GALNT18: variants seen among roughly 807,000 people sequenced by gnomAD.
GALNT18 encodes the protein polypeptide N-acetylgalactosaminyltransferase 18.
In GALNT18, 44 loss-of-function variants were observed where a neutral mutation model predicts 69.5. The ratio of observed to expected loss-of-function variants is 0.63; its 90% CI spans 0.50 to 0.81. The LOEUF (loss-of-function observed/expected upper bound fraction) is 0.81. GALNT18 is among the 40% of genes least tolerant of loss of function. The probability of loss-of-function intolerance (pLI) is 0.00; values close to 1 mark genes in which losing one functional copy is unlikely to be tolerated. For synonymous variants in GALNT18, 364 were observed against 318.2 expected, an observed-to-expected ratio of 1.14 and a Z score of -1.53; for missense variants, 715 against 810.0, an observed-to-expected ratio of 0.88 and a Z score of 1.42.
intron 1 of GALNT18, among the ~76,000 whole-genome samples, chr11:11,575,498 C>T (rs1174921233): frequency 6.6e-6 from 1 of 152,216 alleles, no homozygotes; most frequent in Non-Finnish European, 1.5e-5. Context: ...TGGATGTGAG[C>T]CTGCAGGTTC....
chr11:11,574,141 C>A (rs1327560901), intron 1 of GALNT18, among the ~76,000 whole-genome samples: 1 of 152,100 alleles, frequency 6.6e-6, no homozygotes, highest in Non-Finnish European at 1.5e-5. Context: ...GTACATACTG[C>A]CTCATAAGAA....
rs1857038707 is a variant in GALNT18 at position 11,504,746 on chromosome 11, A to C, written c.236-55810T>G. Reference sequence around the variant, plus strand: ...GCACTTTGGCCTGGGTGACAGAGCAAGACCCCATCTCAAAATATATATATA... The same window carrying C: ...GCACTTTGGCCTGGGTGACAGAGCACGACCCCATCTCAAAATATATATATA... On this transcript the variant is annotated intron_variant, in intron 1 of 10. Coordinates refer to ENST00000227756, the MANE Select transcript of GALNT18 (RefSeq NM_198516.3). 2.2e-5 allele frequency among the ~76,000 whole-genome samples: 3 copies of C among 137,678 alleles called. No individual in the cohort carries two copies. The East Asian group carries it at 6.8e-4, about 31-fold the overall frequency. 90.3% of individuals were successfully genotyped at this position (137,678 alleles called of 152,430 possible). A position where few individuals can be genotyped will look rare whatever the true frequency, so the allele number is the denominator to read the frequency against.
intron 3 of GALNT18, among the ~76,000 whole-genome samples, chr11:11,386,695 C>A (rs925423769): frequency 6.6e-6 from 1 of 152,174 alleles, no homozygotes; most frequent in African/African-American, 2.4e-5. Flanking sequence ...ATCATTTCAA[C>A]AACCCTAAGA....
At chr11:11,492,368 C>G (rs140409847) in intron 1 of GALNT18, among the ~76,000 whole-genome samples, 107 of 152,254 alleles carry the variant, frequency 7.0e-4, no homozygotes, top group African/African-American at 2.5e-3. Context: ...AACAATAACA[C>G]TGCCATAGAA....
Position 11,583,052 on chromosome 11 carries a change from A to G in GALNT18, c.235+38307T>C, listed in dbSNP as rs1295742232. ...AAGTCCTGCCAACACTCAACTCAGGAAGGTCGTTCATGTGCTCTTCCATAA... is the reference window on the plus strand; with the variant it reads ...AAGTCCTGCCAACACTCAACTCAGGGAGGTCGTTCATGTGCTCTTCCATAA... On this transcript the variant is annotated intron_variant, in intron 1 of 10. Transcript: ENST00000227756. This position sits in a 1 kb window ranked among gnomAD's most constrained non-coding sequence, Gnocchi z 4.7. 1.3e-5 allele frequency among the ~76,000 whole-genome samples: 2 copies of G among 152,180 alleles called. No individual in the cohort carries two copies. The highest frequency in any genetic ancestry group is 4.8e-5 in the African/African-American group (2 of 41,428).
At chr11:11,381,403 T>C (rs1379819151) in intron 3 of GALNT18, among the ~76,000 whole-genome samples, 1 of 152,106 alleles carries the variant, frequency 6.6e-6, no homozygotes, top group African/African-American at 2.4e-5. Flanking sequence ...CCTGTCCCCT[T>C]CTCTCCCTCC....
chr11:11,546,813 T>C lies in GALNT18; in HGVS notation c.235+74546A>G, dbSNP rs998972686. Among the ~76,000 whole-genome samples, 20 of 152,154 alleles carry C rather than the reference T, an allele frequency of 1.3e-4. No individual in the cohort carries two copies. The highest frequency in any genetic ancestry group is 2.5e-4 in the Non-Finnish European group (17 of 68,036). ...GGCATAGAGCAGGCACTCAGATCAA[T>C]TTTCGGTCAGATGGATGGATGGGTG... On this transcript the variant is annotated intron_variant, in intron 1 of 10. Transcript: ENST00000227756. The surrounding 1 kb of genome is among the most constrained non-coding windows in gnomAD (Gnocchi z 5.8).
intron 6 of GALNT18, chr11:11,352,600 T>C: frequency 6.2e-7 from 1 of 1,614,188 alleles, no homozygotes; most frequent in South Asian, 1.1e-5. Flanking sequence ...CCCCAGTCTA[T>C]TAGTCGTAGC....
intron 6 of GALNT18, among the ~76,000 whole-genome samples, chr11:11,367,009 T>C (rs987857497): frequency 2.0e-5 from 3 of 152,210 alleles, no homozygotes; most frequent in Non-Finnish European, 4.4e-5. Context: ...AGCTATTCTC[T>C]AAGGCTAGCC....
intron 1 of GALNT18, among the ~76,000 whole-genome samples, chr11:11,547,590 A>G (rs933909744): frequency 6.6e-6 from 1 of 152,178 alleles, no homozygotes; most frequent in Non-Finnish European, 1.5e-5. Context: ...ATTCAGAAAG[A>G]CAACGAGAGT....
At chr11:11,384,027 A>G (rs1332877322) in intron 3 of GALNT18, among the ~76,000 whole-genome samples, 1 of 152,068 alleles carries the variant, frequency 6.6e-6, no homozygotes, top group Non-Finnish European at 1.5e-5. Context: ...GAATAGACTA[A>G]TACACTTACT....
chr11:11,448,660 C>T, intron 2 of GALNT18, 84 bp downstream of exon 2: 1 of 1,164,480 alleles, frequency 8.6e-7, no homozygotes, highest in Non-Finnish European at 1.2e-6. Context: ...TCCAGGCGCC[C>T]AGTCCTGCTC....
At chr11:11,313,615 G>A (rs1849704216) in intron 9 of GALNT18, among the ~76,000 whole-genome samples, 2 of 152,146 alleles carry the variant, frequency 1.3e-5, no homozygotes, top group Non-Finnish European at 2.9e-5. Context: ...TGAGAGCAGG[G>A]GCCACATGTT....
At chr11:11,273,032 A>T (rs1210199422) in intron 10 of GALNT18, among the ~76,000 whole-genome samples, 1 of 152,238 alleles carries the variant, frequency 6.6e-6, no homozygotes, top group Non-Finnish European at 1.5e-5. Context: ...ATGAAAATCA[A>T]ATCAAAATAG....
At chr11:11,548,451 C>G (rs966140534) in intron 1 of GALNT18, among the ~76,000 whole-genome samples, 2 of 152,220 alleles carry the variant, frequency 1.3e-5, no homozygotes, top group African/African-American at 4.8e-5. Context: ...ACACAAAGAC[C>G]TACTTGTCCC....
rs1028415779 is a variant in GALNT18, at chr11:11,315,020, T to C, written c.1512+12066A>G. 6.7e-5 allele frequency among the ~76,000 whole-genome samples: 10 copies of C among 149,476 alleles called. No homozygotes were observed. Among genetic ancestry groups the C allele is most frequent in the African/African-American group, 9.9e-5 (4 of 40,388 alleles). ...ACATACTGAAAGTGTCTAGCAGAGA[T>C]GGACACATACTAATTATATGTGTGT... On this transcript the variant is annotated intron_variant, in intron 9 of 10. Transcript: ENST00000227756. The surrounding 1 kb of genome is among the most constrained non-coding windows in gnomAD (Gnocchi z 5.6).
At chr11:11,299,390 C>T (rs971228856) in intron 9 of GALNT18, among the ~76,000 whole-genome samples, 2 of 152,176 alleles carry the variant, frequency 1.3e-5, no homozygotes, top group Admixed American at 1.3e-4. Flanking sequence ...AGGTGAACTG[C>T]TCGCCTCGGC....
intron 1 of GALNT18, among the ~76,000 whole-genome samples, chr11:11,486,728 C>G (rs897743229): frequency 1.4e-4 from 21 of 152,222 alleles, no homozygotes; most frequent in African/African-American, 5.1e-4. Context: ...GAGCTGTGCT[C>G]TGCTACCAGG....
chr11:11,405,960 C>T (rs573734598), intron 3 of GALNT18, among the ~76,000 whole-genome samples: 11 of 152,326 alleles, frequency 7.2e-5, no homozygotes, highest in African/African-American at 2.4e-4. Flanking sequence ...CTACAACAAG[C>T]AAGGTGTCGG....
Sources: gnomAD v4.1 joint callset for allele counts (sites outside exome capture counted in the v4.1 genomes callset) on GRCh38, gnomAD v4.1.1 for gene constraint, Gnocchi (gnomAD v3.1) non-coding constraint, MANE v1.5 for transcripts, NCBI Gene and HGNC (gene_info 2026-07-23, HGNC 2026-07-21) for gene names.